The following FTH1 variants were observed in gnomAD, a reference collection of about 807,000 sequenced individuals.
FTH1 encodes ferritin heavy chain.
A neutral mutation model predicts 21.8 loss-of-function variants in FTH1; 3 were observed. The observed-to-expected ratio is 0.14, with a 90% CI of 0.06 to 0.36. The LOEUF (loss-of-function observed/expected upper bound fraction) is 0.36, where lower values mean the gene tolerates loss of function less well. Among genes scored for constraint, FTH1 ranks in the 10% least tolerant of loss-of-function variants. The pLI is 1.00. For synonymous variants in FTH1, 83 were observed against 90.1 expected (o/e 0.92, Z 0.45); for missense variants, 147 against 225.8 (o/e 0.65, Z 2.24).
At chr11:61,965,214 G>A in intron 2 of FTH1, 102 bp from the exon 3 acceptor site, 4 of 1,592,068 alleles carry the variant, frequency 2.5e-6, no homozygotes, top group Non-Finnish European at 2.6e-6. Context: ...ATTACTATTT[G>A]CCTAATTTAG....
chr11:61,967,218 G>GA, intron 1 of FTH1, 94 bp downstream of exon 1: 1 of 600,104 alleles, frequency 1.7e-6, no homozygotes, highest in Non-Finnish European at 2.7e-6. Context: ...GGAGGCGGGA[G>GA]AGCCCGCGGG....
Position 61,967,628 on chromosome 11 carries a change from G to A in FTH1, c.-203C>T. ...ACCCCGACGACTCTCGGCGAAGAAC[G>A]TCTGGCCCTGCGGGTCGCTTGTGGT... On this transcript the variant is annotated 5_prime_UTR_variant, in exon 1 of 4. The change creates a new upstream start codon in the 5' untranslated region. Transcript: ENST00000273550. The A allele has an allele frequency of 3.1e-6, 2 of 654,750 alleles. No homozygotes were observed. Among genetic ancestry groups the A allele is most frequent in the Non-Finnish European group, 2.8e-6 (1 of 355,990 alleles). The allele number at this position is 654,750 out of a possible 1,614,324, so 40.6% of individuals were successfully genotyped here. A position where few individuals can be genotyped will look rare whatever the true frequency, so the allele number is the denominator to read the frequency against.
intron 2 of FTH1, 64 bp downstream of exon 2, chr11:61,965,305 T>C (rs889790916): frequency 1.2e-6 from 2 of 1,609,018 alleles, no homozygotes; most frequent in African/African-American, 2.7e-5. Flanking sequence ...CTAGTTTAAG[T>C]GATTTCTGAT....
intron 1 of FTH1, 47 bp from the exon 2 acceptor site, chr11:61,965,562 A>T: frequency 6.3e-7 from 1 of 1,595,532 alleles, no homozygotes; most frequent in South Asian, 1.1e-5. Flanking sequence ...CCCCAGAGAC[A>T]GGTAGCTGTG....
Position 61,964,871 on chromosome 11 carries a change from T to C in FTH1, c.408A>G (p.Thr136=), listed in dbSNP as rs1591320582. ...CTTTCACCTGCTCATTCAGGTAATG[T>C]GTCTCAATGAAGTCACACAACTGCA... ...NDPHLCDFIE[T]HYLNEQVKAI... is the part of the protein sequence containing the mutation. Residue 136 remains threonine, a synonymous_variant, in exon 4 of 4, where the codon ACA becomes ACG. Coordinates refer to ENST00000273550, the MANE Select transcript of FTH1 (RefSeq NM_002032.3). The C allele has an allele frequency of 6.2e-7, 1 of 1,605,828 alleles. No homozygotes were observed. The highest frequency in any genetic ancestry group is 8.5e-7 in the Non-Finnish European group (1 of 1,179,998).
chr11:61,966,447 G>A (rs1419360104), intron 1 of FTH1, among the ~76,000 whole-genome samples: 1 of 152,226 alleles, frequency 6.6e-6, no homozygotes, highest in African/African-American at 2.4e-5. Context: ...ATACAGGCCT[G>A]TTTTCAAATC....
chr11:61,967,226 G>A (rs1311437449), intron 1 of FTH1, 86 bp downstream of exon 1: 5 of 655,332 alleles, frequency 7.6e-6, no homozygotes, highest in Non-Finnish European at 1.2e-5. Flanking sequence ...GAGAGCCCGC[G>A]GGTGGCCACA....
chr11:61,965,631 G>A, intron 1 of FTH1, 116 bp from the exon 2 acceptor site: 2 of 1,130,914 alleles, frequency 1.8e-6, no homozygotes, highest in Middle Eastern at 1.9e-4. Context: ...TCAAAGCACA[G>A]CATGAAGGAA....
chr11:61,964,703 G>A lies in FTH1; in HGVS notation c.*24C>T. The A allele has an allele frequency of 1.9e-6, 3 of 1,597,596 alleles. No homozygotes were observed. The highest frequency in any genetic ancestry group is 2.5e-6 in the Non-Finnish European group (3 of 1,179,732). On this transcript the variant is annotated 3_prime_UTR_variant, in exon 4 of 4. Transcript: ENST00000273550. ...TGGTGACCAGGGAAGTCACCCCACG[G>A]CTATGGGGAAATTAGCCCGAGGCTT... is the stretch of plus-strand genomic sequence containing the variant.
rs3180123 is a variant in FTH1 at position 61,964,563 on chromosome 11, C to A, written c.*164G>T. ...TCATCCCAAGACCTCAAAGACAACACCTGGGTACCAAATTTCTTTATTTGA... is the reference window on the plus strand; with the variant it reads ...TCATCCCAAGACCTCAAAGACAACAACTGGGTACCAAATTTCTTTATTTGA... On this transcript the variant is annotated 3_prime_UTR_variant, in exon 4 of 4. Transcript: ENST00000273550. The A allele has an allele frequency of 2.4e-6, 2 of 822,872 alleles. No individual in the cohort carries two copies. Among genetic ancestry groups the A allele is most frequent in the African/African-American group, 1.7e-5 (1 of 58,586 alleles). The allele number at this position is 822,872 out of a possible 1,614,324, so 51.0% of individuals were successfully genotyped here.
intron 1 of FTH1, 70 bp downstream of exon 1, chr11:61,967,242 G>A (rs1264814991): frequency 2.2e-5 from 21 of 976,110 alleles, no homozygotes; most frequent in Non-Finnish European, 1.5e-5. Flanking sequence ...CCACACCCCC[G>A]GCCCGCCCCA....
Position 61,964,823 on chromosome 11 carries a change from G to T in FTH1, c.456C>A (p.His152Gln). 2 of 1,600,790 alleles carry T rather than the reference G, an allele frequency of 1.2e-6. No homozygotes were observed. The highest frequency in any genetic ancestry group is 1.7e-6 in the Non-Finnish European group (2 of 1,179,972). ...QVKAIKELGD[H>Q]VTNLRKMGAP... is the part of the protein sequence containing the mutation. ...CTCCCATCTTGCGCAAGTTGGTCAC[G>T]TGGTCACCCAATTCTTTGATGGCTT... Residue 152 changes from histidine to glutamine, a missense_variant, in exon 4 of 4, where the codon CAC becomes CAA. Physicochemically the swap from His to Gln is conservative, Grantham distance 24 (BLOSUM62 0). Transcript: ENST00000273550.
intron 1 of FTH1, 194 bp downstream of exon 1, chr11:61,967,118 T>C: frequency 2.4e-6 from 1 of 419,602 alleles, no homozygotes; most frequent in Non-Finnish European, 4.2e-6. Flanking sequence ...ATTCTCAGGG[T>C]ACAGCCGAGA....
rs767112958 is a variant in FTH1, at chr11:61,964,869, T to C, written c.410A>G (p.His137Arg). Residue 137 changes from histidine (H) to arginine (R), a missense_variant, in exon 4 of 4, where the codon CAT becomes CGT. By Grantham distance (29) the His-to-Arg change is conservative (BLOSUM62 0). Transcript: ENST00000273550. ...DPHLCDFIET[H>R]YLNEQVKAIK... is the part of the protein sequence containing the mutation. ...GGCTTTCACCTGCTCATTCAGGTAA[T>C]GTGTCTCAATGAAGTCACACAACTG... The C allele has an allele frequency of 2.0e-5, 32 of 1,605,410 alleles. No individual in the cohort carries two copies. In the Admixed American group the frequency reaches 3.8e-4, roughly 19 times the overall value.
Position 61,964,519 on chromosome 11 carries a change from G to A in FTH1, c.*208C>T, listed in dbSNP as rs1369465954. The stretch of plus-strand genomic sequence containing the variant: ...CGGCACTTAAGGAATCTGGAAGATA[G>A]CCTGGATAGATTTCTGATTCATCCC... On this transcript the variant is annotated 3_prime_UTR_variant, in exon 4 of 4. Transcript: ENST00000273550. 1 of 653,006 alleles carries A rather than the reference G, an allele frequency of 1.5e-6. No individual in the cohort carries two copies. The highest frequency in any genetic ancestry group is 2.6e-6 in the Non-Finnish European group (1 of 380,562). The allele number at this position is 653,006 out of a possible 1,614,324, so 40.5% of individuals were successfully genotyped here.
chr11:61,966,621 G>A (rs939451423), intron 1 of FTH1, among the ~76,000 whole-genome samples: 1 of 152,118 alleles, frequency 6.6e-6, no homozygotes, highest in Non-Finnish European at 1.5e-5. Flanking sequence ...TCCAAGAACT[G>A]GGGGTTCAAT....
chr11:61,965,993 C>G (rs1217048980), intron 1 of FTH1, among the ~76,000 whole-genome samples: 1 of 152,098 alleles, frequency 6.6e-6, no homozygotes. Flanking sequence ...TTAAAAACCC[C>G]TGCTGGGTGC....
intron 1 of FTH1, 49 bp downstream of exon 1, chr11:61,967,263 C>T: frequency 7.7e-7 from 1 of 1,301,590 alleles, no homozygotes; most frequent in African/African-American, 1.6e-5. Context: ...GCGCGCGCCC[C>T]GGGAACCGCG....
At chr11:61,965,584 G>C in intron 1 of FTH1, 69 bp from the exon 2 acceptor site, 2 of 1,562,542 alleles carry the variant, frequency 1.3e-6, no homozygotes, top group Non-Finnish European at 1.7e-6. Flanking sequence ...CGATCTACAG[G>C]GAGGCAAGAT....
Sources: allele counts gnomAD v4.1 joint callset (sites outside exome capture counted in the v4.1 genomes callset), GRCh38; gene constraint gnomAD v4.1.1; transcripts MANE v1.5; gene names NCBI Gene and HGNC (gene_info 2026-07-23, HGNC 2026-07-21).